Variants in AKAP13 observed in about 807,000 individuals in gnomAD.
AKAP13 encodes the protein A-kinase anchor protein 13.
AKAP13 carries 80 observed loss-of-function variants against 264.5 expected under a neutral mutation model. The ratio of observed to expected loss-of-function variants is 0.30; its 90% CI spans 0.25 to 0.36. The LOEUF (loss-of-function observed/expected upper bound fraction) is 0.36, where lower values mean the gene tolerates loss of function less well. Among genes scored for constraint, AKAP13 ranks in the 10% least tolerant of loss-of-function variants. AKAP13 has a pLI of 1.00. For missense variants in AKAP13, 3,712 were observed against 3,435.2 expected (o/e 1.08, Z -2.01); for synonymous variants, 1,380 against 1,250.2 (o/e 1.10, Z -2.19).
rs529995515 is a variant in AKAP13 at position 85,599,820 on chromosome 15, G to T, written c.4161+13997G>T. On this transcript the variant is annotated intron_variant, in intron 8 of 36. Coordinates refer to ENST00000394518, the MANE Select transcript of AKAP13 (RefSeq NM_007200.5). ...GGAGGCCAAGGTGGGAGGATTGCTTGAGCCTAGGCATTCAAGACCAGCCTA... is the reference window on the plus strand; with the variant it reads ...GGAGGCCAAGGTGGGAGGATTGCTTTAGCCTAGGCATTCAAGACCAGCCTA... Among the ~76,000 whole-genome samples the T allele has an allele frequency of 6.6e-5, 10 of 152,276 alleles. 1 individual carries two copies. Among genetic ancestry groups the T allele is most frequent in the Admixed American group, 4.6e-4 (7 of 15,294 alleles).
chr15:85,637,743 G>C (rs532571859), intron 8 of AKAP13, among the ~76,000 whole-genome samples: 3 of 152,040 alleles, frequency 2.0e-5, no homozygotes, highest in Admixed American at 2.0e-4. Context: ...TCTAATATAG[G>C]CATGTAATGT....
At chr15:85,466,673 A>G (rs2074753413) in intron 1 of AKAP13, among the ~76,000 whole-genome samples, 1 of 152,148 alleles carries the variant, frequency 6.6e-6, no homozygotes, top group Non-Finnish European at 1.5e-5. Context: ...TCCCATTTGT[A>G]CTGTCTAGCA....
Position 85,397,089 on chromosome 15 carries a change from T to C in AKAP13, c.-12+16291T>C, listed in dbSNP as rs950818494. Among the ~76,000 whole-genome samples the C allele has an allele frequency of 9.6e-5, 14 of 146,296 alleles. No homozygotes were observed. In the South Asian group the frequency reaches 2.1e-3, roughly 22 times the overall value. Reference sequence around the variant, plus strand: ...AATGCATTCCCAAGTATTTTGACTTTTGTGAAAGAAAATACTTTTTAAGGT... The same window carrying C: ...AATGCATTCCCAAGTATTTTGACTTCTGTGAAAGAAAATACTTTTTAAGGT... On this transcript the variant is annotated intron_variant, in intron 1 of 36. Transcript: ENST00000394518.
At chr15:85,673,987 G>A (rs182692929) in intron 14 of AKAP13, among the ~76,000 whole-genome samples, 4 of 151,492 alleles carry the variant, frequency 2.6e-5, no homozygotes, top group African/African-American at 9.7e-5. Context: ...CACCGTGCCC[G>A]ACCCAGATGA....
chr15:85,546,214 A>G (rs1305816221), intron 5 of AKAP13, among the ~76,000 whole-genome samples: 1 of 152,168 alleles, frequency 6.6e-6, no homozygotes, highest in Non-Finnish European at 1.5e-5. Context: ...TAAGTAGCTG[A>G]GATGATGGAT....
chr15:85,675,055 G>A (rs1020251997), intron 14 of AKAP13, among the ~76,000 whole-genome samples: 2 of 151,972 alleles, frequency 1.3e-5, no homozygotes, highest in African/African-American at 4.8e-5. Context: ...GAATTGCTCT[G>A]TTACCAGAAC....
At chr15:85,705,255 C>T (rs780757964) in intron 17 of AKAP13, among the ~76,000 whole-genome samples, 1 of 152,116 alleles carries the variant, frequency 6.6e-6, no homozygotes, top group Non-Finnish European at 1.5e-5. Context: ...TAAAAATCAT[C>T]ATTGCTTAAA....
intron 2 of AKAP13, among the ~76,000 whole-genome samples, chr15:85,512,367 C>T (rs1428665062): frequency 6.6e-6 from 1 of 152,270 alleles, no homozygotes; most frequent in East Asian, 1.9e-4. Context: ...CTCCCTTCTC[C>T]ACCTCCAGAC....
At chr15:85,615,786 A>G (rs944356633) in intron 8 of AKAP13, among the ~76,000 whole-genome samples, 1 of 152,212 alleles carries the variant, frequency 6.6e-6, no homozygotes, top group Non-Finnish European at 1.5e-5. Context: ...TATCCCATGA[A>G]CTATATGGCA....
At chr15:85,545,264 A>G (rs1389826433) in intron 5 of AKAP13, among the ~76,000 whole-genome samples, 1 of 152,246 alleles carries the variant, frequency 6.6e-6, no homozygotes, top group African/African-American at 2.4e-5. Context: ...TCAGAAGTTG[A>G]AACAGTTAAC....
intron 1 of AKAP13, among the ~76,000 whole-genome samples, chr15:85,461,738 A>C (rs558741702): frequency 9.2e-5 from 14 of 152,042 alleles, no homozygotes; most frequent in Non-Finnish European, 1.3e-4. Flanking sequence ...GTTGCTTCAA[A>C]TATGTCATTT....
At chr15:85,496,855 G>C (rs964500782) in intron 2 of AKAP13, among the ~76,000 whole-genome samples, 3 of 152,170 alleles carry the variant, frequency 2.0e-5, no homozygotes, top group Admixed American at 6.5e-5. Flanking sequence ...GGAAATCAAG[G>C]GTTCCTCCGT....
chr15:85,540,259 G>T (rs184275337), intron 4 of AKAP13, among the ~76,000 whole-genome samples: 7 of 152,300 alleles, frequency 4.6e-5, no homozygotes, highest in African/African-American at 1.7e-4. Flanking sequence ...TCCTCCACAG[G>T]TGGAATGGAA....
At chr15:85,671,455 A>T (rs991327632) in intron 14 of AKAP13, among the ~76,000 whole-genome samples, 1 of 134,260 alleles carries the variant, frequency 7.4e-6, no homozygotes, top group Non-Finnish European at 1.6e-5. Context: ...AAAAAAAAAA[A>T]AAAGAGAGAG....
At chr15:85,600,515 C>T (rs944534993) in intron 8 of AKAP13, among the ~76,000 whole-genome samples, 5 of 152,148 alleles carry the variant, frequency 3.3e-5, no homozygotes, top group South Asian at 2.1e-4. Context: ...ATTTCAACAG[C>T]TGCTGCTAAG....
chr15:85,684,068 A>G (rs1054072047), intron 15 of AKAP13, among the ~76,000 whole-genome samples: 35 of 152,204 alleles, frequency 2.3e-4, no homozygotes, highest in African/African-American at 8.4e-4. Flanking sequence ...GTGGTCAGTC[A>G]TAAGATTCCT....
chr15:85,632,197 G>GTAT (rs2081866959), intron 8 of AKAP13, among the ~76,000 whole-genome samples: 1 of 152,174 alleles, frequency 6.6e-6, no homozygotes. Flanking sequence ...ACAGGTAAAT[G>GTAT]TATTACTCAT....
At position 85,606,363 on chromosome 15, in the gene AKAP13, A is replaced by C. The variant is rs148571137; in HGVS notation, c.4161+20540A>C. Among the ~76,000 whole-genome samples the C allele has an allele frequency of 1.2e-3, 175 of 152,044 alleles. 1 individual carries two copies. Among genetic ancestry groups the C allele is most frequent in the African/African-American group, 4.0e-3 (165 of 41,476 alleles). On this transcript the variant is annotated intron_variant, in intron 8 of 36. Coordinates refer to ENST00000394518, the MANE Select transcript of AKAP13 (RefSeq NM_007200.5). ...GTGGTCCGCCCACCTCAGCCTCCCA[A>C]AGTGCTGGGATTACAGGCATGAGCC...
At chr15:85,518,703 C>G (rs1359396629) in intron 2 of AKAP13, among the ~76,000 whole-genome samples, 3 of 152,122 alleles carry the variant, frequency 2.0e-5, no homozygotes, top group Non-Finnish European at 4.4e-5. Context: ...GTGGCGCATG[C>G]CTGTTGTCCC....
Sources: gnomAD v4.1 joint callset for allele counts (sites outside exome capture counted in the v4.1 genomes callset) on GRCh38, gnomAD v4.1.1 for gene constraint, MANE v1.5 for transcripts, NCBI Gene and HGNC (gene_info 2026-07-23, HGNC 2026-07-21) for gene names.